Variants in HVCN1 observed in about 807,000 individuals in gnomAD.
HVCN1 encodes the protein voltage-gated hydrogen channel 1.
In HVCN1, 14 loss-of-function variants were observed where a neutral mutation model predicts 29.2. The observed-to-expected ratio is 0.48, with a 90% CI of 0.32 to 0.75. The LOEUF (loss-of-function observed/expected upper bound fraction) is 0.75, where lower values mean the gene tolerates loss of function less well. HVCN1 is among the 30% of genes least tolerant of loss of function. The pLI is 0.04. For missense variants in HVCN1, 263 were observed against 341.8 expected (o/e 0.77, Z 1.82); for synonymous variants, 131 against 133.2 (o/e 0.98, Z 0.11).
intron 3 of HVCN1, among the ~76,000 whole-genome samples, chr12:110,664,749 A>C (rs2136316649): frequency 6.6e-6 from 1 of 152,306 alleles, no homozygotes; most frequent in Non-Finnish European, 1.5e-5. Flanking sequence ...AGAAATAGGA[A>C]AGGTATGCAG....
intron 3 of HVCN1, among the ~76,000 whole-genome samples, chr12:110,681,111 G>GT (rs1460062644): frequency 6.6e-6 from 1 of 152,090 alleles, no homozygotes; most frequent in African/African-American, 2.4e-5. Flanking sequence ...CTAAGACCAC[G>GT]TTTTCTCACA....
chr12:110,668,946 A>T (rs1282017970), intron 3 of HVCN1, among the ~76,000 whole-genome samples: 1 of 150,982 alleles, frequency 6.6e-6, no homozygotes, highest in Non-Finnish European at 1.5e-5. Context: ...TCCCTGCCCC[A>T]TACCAGGAGT....
rs1165782537 is a variant in HVCN1 at position 110,661,026 on chromosome 12, G to GC, written c.306+137_306+138insG. 14 of 808,408 alleles carry GC rather than the reference G, an allele frequency of 1.7e-5. No homozygotes were observed. The highest frequency in any genetic ancestry group is 2.6e-5 in the Non-Finnish European group (13 of 492,232). 50.1% of individuals were successfully genotyped at this position (808,408 alleles called of 1,614,324 possible). A position where few individuals can be genotyped will look rare whatever the true frequency, so the allele number is the denominator to read the frequency against. On this transcript the variant is annotated intron_variant, in intron 4 of 7. Transcript: ENST00000242607. The surrounding 1 kb of genome is among the most constrained non-coding windows in gnomAD (Gnocchi z 6.2). ...ATTCCCAGCACGGTACAGGGTCCCC[G>GC]GCACGTGGTAGGTGCTGGGCAAACA...
At chr12:110,699,185 ATTTGCTGGGC>A (rs1296945935) in intron 2 of HVCN1, among the ~76,000 whole-genome samples, 11 of 152,224 alleles carry the variant, frequency 7.2e-5, no homozygotes, top group South Asian at 4.1e-4. Flanking sequence ...CTTTGCTGGG[ATTTGCTGGGC>A]TTTGCTGGGC....
In HVCN1 at chr12:110,661,467, G is replaced by A; in HGVS notation, c.22-19C>T. ...TGACTGCCTAGAAGGCGGGGACAGA[G>A]AGCAAGAGCTTCAGGCAGTTGGCCA... On this transcript the variant is annotated intron_variant, in intron 3 of 7. Transcript: ENST00000242607. This position sits in a 1 kb window ranked among gnomAD's most constrained non-coding sequence, Gnocchi z 6.2. The A allele has an allele frequency of 6.2e-7, 1 of 1,609,996 alleles. No homozygotes were observed. Among genetic ancestry groups the A allele is most frequent in the Non-Finnish European group, 8.5e-7 (1 of 1,177,216 alleles).
chr12:110,704,835 C>G (rs2069591224), intron 1 of HVCN1: 1 of 152,290 alleles, frequency 6.6e-6, no homozygotes, highest in Non-Finnish European at 1.5e-5. Context: ...CCTTCTGGCA[C>G]AATCCTAGAG....
chr12:110,655,142 G>T, intron 5 of HVCN1, 92 bp downstream of exon 5: 2 of 857,866 alleles, frequency 2.3e-6, no homozygotes, highest in East Asian at 4.9e-5. Context: ...TACTCCAAGT[G>T]GGGTGTCAGC....
intron 3 of HVCN1, among the ~76,000 whole-genome samples, chr12:110,663,444 TA>T (rs1336549722): frequency 6.7e-6 from 1 of 149,182 alleles, no homozygotes; most frequent in Admixed American, 6.7e-5. Context: ...TGCAGAAAAA[TA>T]AAAAAAATTA....
intron 4 of HVCN1, among the ~76,000 whole-genome samples, chr12:110,657,216 G>A (rs1190151058): frequency 4.6e-5 from 7 of 152,134 alleles, no homozygotes; most frequent in African/African-American, 9.7e-5. Flanking sequence ...CTCTGGGGCC[G>A]GACACGGTGG....
At chr12:110,681,488 G>A (rs2068968467) in intron 3 of HVCN1, among the ~76,000 whole-genome samples, 2 of 152,152 alleles carry the variant, frequency 1.3e-5, no homozygotes, top group Admixed American at 1.3e-4. Flanking sequence ...ATTTCCGAAT[G>A]TTCTTTTTGG....
intron 2 of HVCN1, among the ~76,000 whole-genome samples, chr12:110,687,353 C>T (rs2069230915): frequency 6.6e-6 from 1 of 151,448 alleles, no homozygotes; most frequent in Non-Finnish European, 1.5e-5. Context: ...TCAGGGACAA[C>T]TCGACATTTA....
At chr12:110,679,151 T>C (rs1456302812) in intron 3 of HVCN1, among the ~76,000 whole-genome samples, 1 of 152,058 alleles carries the variant, frequency 6.6e-6, no homozygotes, top group African/African-American at 2.4e-5. Flanking sequence ...CCTGGCAGCT[T>C]TAAGGCACCC....
At chr12:110,680,239 G>A (rs1258408921) in intron 3 of HVCN1, among the ~76,000 whole-genome samples, 1 of 152,108 alleles carries the variant, frequency 6.6e-6, no homozygotes, top group Non-Finnish European at 1.5e-5. Context: ...TAGCTTCTGT[G>A]TGATGACAAA....
chr12:110,672,331 C>A (rs538004973), intron 3 of HVCN1, among the ~76,000 whole-genome samples: 7 of 152,294 alleles, frequency 4.6e-5, no homozygotes, highest in Non-Finnish European at 1.0e-4. Context: ...GAGACTCCCA[C>A]GTGCACACAG....
intron 4 of HVCN1, among the ~76,000 whole-genome samples, chr12:110,656,982 A>G (rs772605123): frequency 6.6e-6 from 1 of 152,236 alleles, no homozygotes. Context: ...CAGACCCAAT[A>G]TTCAGCCATG....
At chr12:110,650,018 T>C in intron 7 of HVCN1, 150 bp downstream of exon 7, 1 of 540,786 alleles carries the variant, frequency 1.8e-6, no homozygotes, top group East Asian at 3.5e-5. Flanking sequence ...GCTAATTTTG[T>C]ATTTTTAGCA....
At chr12:110,697,765 C>T (rs1436542331) in intron 2 of HVCN1, among the ~76,000 whole-genome samples, 1 of 151,916 alleles carries the variant, frequency 6.6e-6, no homozygotes, top group Non-Finnish European at 1.5e-5. Flanking sequence ...ATTCTCCTGC[C>T]TCAGCCCTGC....
rs200473999 is a variant in HVCN1 at position 110,661,145 on chromosome 12, G to T, written c.306+19C>A. On this transcript the variant is annotated intron_variant, in intron 4 of 7. Coordinates refer to ENST00000242607, the MANE Select transcript of HVCN1 (RefSeq NM_032369.4). This position sits in a 1 kb window ranked among gnomAD's most constrained non-coding sequence, Gnocchi z 6.2. ...CTCTCCTGCCAGCTCTGGGTATCCC[G>T]GACTCCTGCCCCACCTACCTGAAAC... 2 of 1,574,996 alleles carry T rather than the reference G, an allele frequency of 1.3e-6. No homozygotes were observed. The highest frequency in any genetic ancestry group is 4.5e-5 in the East Asian group (2 of 44,462).
rs575974294 is a variant in HVCN1 at position 110,661,655 on chromosome 12, C to T, written c.22-207G>A. ...GTGTCTATGAGGCAACAGGAAACTC[C>T]TGCCCCCAGCAGGCCTGTCACTGTG... On this transcript the variant is annotated intron_variant, in intron 3 of 7. Coordinates refer to ENST00000242607, the MANE Select transcript of HVCN1 (RefSeq NM_032369.4). The surrounding 1 kb of genome is among the most constrained non-coding windows in gnomAD (Gnocchi z 6.2). Among the ~76,000 whole-genome samples the T allele has an allele frequency of 3.0e-4, 46 of 152,336 alleles. No individual in the cohort carries two copies. Among genetic ancestry groups the T allele is most frequent in the African/African-American group, 1.1e-3 (45 of 41,580 alleles).
Sources: gnomAD v4.1 joint callset for allele counts (sites outside exome capture counted in the v4.1 genomes callset) on GRCh38, gnomAD v4.1.1 for gene constraint, Gnocchi (gnomAD v3.1) non-coding constraint, MANE v1.5 for transcripts, NCBI Gene and HGNC (gene_info 2026-07-23, HGNC 2026-07-21) for gene names.